The following MARCHF8 variants were observed in gnomAD, a reference collection of about 807,000 sequenced individuals.
MARCHF8 encodes the protein E3 ubiquitin-protein ligase MARCHF8.
A neutral mutation model predicts 51.6 loss-of-function variants in MARCHF8; 40 were observed. The ratio of observed to expected loss-of-function variants is 0.77; its 90% CI spans 0.60 to 1.01. The LOEUF is 1.01. Among genes scored for constraint, MARCHF8 ranks in the 50% least tolerant of loss-of-function variants. The pLI is 0.00. For missense variants in MARCHF8, 685 were observed against 708.6 expected (o/e 0.97, Z 0.38); for synonymous variants, 263 against 280.3 (o/e 0.94, Z 0.62).
At chr10:45,538,231 A>T (rs1304354250), upstream of MARCHF8, among the ~76,000 whole-genome samples, 1 of 152,224 alleles carries the variant, frequency 6.6e-6, no homozygotes, top group Non-Finnish European at 1.5e-5. Flanking sequence ...TTTGTAAGTG[A>T]AGGAGAAATA....
intron 1 of MARCHF8, among the ~76,000 whole-genome samples, chr10:45,583,280 G>A (rs2044575807): frequency 6.6e-6 from 1 of 152,106 alleles, no homozygotes; most frequent in Non-Finnish European, 1.5e-5. Context: ...ACCATTAGTG[G>A]GAGTACAGAC....
At chr10:45,584,454 T>C (rs143368311) in intron 1 of MARCHF8, among the ~76,000 whole-genome samples, 77 of 152,122 alleles carry the variant, frequency 5.1e-4, no homozygotes, top group African/African-American at 1.6e-3. Flanking sequence ...AAAAACACCA[T>C]GAGATACCAC....
At chr10:45,524,787 T>C (rs577614048) in intron 2 of MARCHF8, among the ~76,000 whole-genome samples, 1 of 152,200 alleles carries the variant, frequency 6.6e-6, no homozygotes, top group East Asian at 1.9e-4. Context: ...TCTTATACTG[T>C]ATCTCAAATC....
intron 2 of MARCHF8, among the ~76,000 whole-genome samples, chr10:45,499,734 AT>A (rs1278754900): frequency 6.6e-6 from 1 of 152,074 alleles, no homozygotes; most frequent in Non-Finnish European, 1.5e-5. Flanking sequence ...GTGGGAAATC[AT>A]TTGGCCAAAT....
chr10:45,473,571 C>T (rs991231544), intron 3 of MARCHF8, among the ~76,000 whole-genome samples: 1 of 152,142 alleles, frequency 6.6e-6, no homozygotes, highest in African/African-American at 2.4e-5. Context: ...ATGTACTGCC[C>T]TTTTTGCACC....
chr10:45,496,383 A>G (rs1034333575), intron 2 of MARCHF8, among the ~76,000 whole-genome samples: 1 of 152,198 alleles, frequency 6.6e-6, no homozygotes, highest in Non-Finnish European at 1.5e-5. Flanking sequence ...AATACAAGAT[A>G]AGTGGGTACA....
intron 2 of MARCHF8, among the ~76,000 whole-genome samples, chr10:45,523,309 T>G (rs1488123394): frequency 6.6e-6 from 1 of 152,198 alleles, no homozygotes; most frequent in Non-Finnish European, 1.5e-5. Flanking sequence ...GAGGATGGCT[T>G]GAGGCCAGGA....
chr10:45,500,597 T>C (rs2133139163), intron 2 of MARCHF8, among the ~76,000 whole-genome samples: 1 of 152,224 alleles, frequency 6.6e-6, no homozygotes, highest in African/African-American at 2.4e-5. Context: ...GTTGAGGTAG[T>C]TTCCCTCTAT....
At chr10:45,569,270 T>C (rs967224062) in intron 1 of MARCHF8, among the ~76,000 whole-genome samples, 1 of 152,152 alleles carries the variant, frequency 6.6e-6, no homozygotes, top group African/African-American at 2.4e-5. Context: ...TTGAGGTATG[T>C]TCCCTCTATC....
At chr10:45,550,833 C>T (rs754341478) in intron 1 of MARCHF8, among the ~76,000 whole-genome samples, 2 of 152,222 alleles carry the variant, frequency 1.3e-5, no homozygotes, top group Non-Finnish European at 2.9e-5. Flanking sequence ...CCCTTCTTTA[C>T]AACCCATAGC....
intron 1 of MARCHF8, among the ~76,000 whole-genome samples, chr10:45,573,473 C>G (rs1228592294): frequency 6.6e-6 from 1 of 152,214 alleles, no homozygotes; most frequent in Admixed American, 6.5e-5. Flanking sequence ...CCTCCTCCCC[C>G]AGGAACTTGC....
intron 2 of MARCHF8, among the ~76,000 whole-genome samples, chr10:45,499,235 C>T (rs2043232118): frequency 6.6e-6 from 1 of 152,158 alleles, no homozygotes; most frequent in Non-Finnish European, 1.5e-5. Context: ...GCCTACTAGC[C>T]ATTTGTATAT....
At chr10:45,579,081 T>C (rs2044522080) in intron 1 of MARCHF8, among the ~76,000 whole-genome samples, 2 of 152,240 alleles carry the variant, frequency 1.3e-5, no homozygotes. Flanking sequence ...TTAAATTTCT[T>C]GACTGCTAAT....
intron 1 of MARCHF8, among the ~76,000 whole-genome samples, chr10:45,583,980 TG>T (rs2044583828): frequency 1.7e-5 from 2 of 119,320 alleles, no homozygotes; most frequent in Non-Finnish European, 3.2e-5. Flanking sequence ...CACTCCAGCC[TG>T]GGTGACAGAG....
At chr10:45,526,778 C>A (rs1034253192) in intron 2 of MARCHF8, among the ~76,000 whole-genome samples, 3 of 151,472 alleles carry the variant, frequency 2.0e-5, no homozygotes, top group African/African-American at 7.3e-5. Context: ...ATAGACCTAA[C>A]AGATGTTTAT....
At chr10:45,477,679 C>T (rs556296345) in intron 3 of MARCHF8, among the ~76,000 whole-genome samples, 244 of 152,196 alleles carry the variant, frequency 1.6e-3, no homozygotes, top group African/African-American at 5.4e-3. Context: ...AGAAGCTCAT[C>T]GCACCTGTAC....
rs1321057371 is a variant in MARCHF8 at position 45,463,361 on chromosome 10, G to A, written c.878C>T (p.Ser293Phe). ...GCCCATACTCCCTGCCAGCCCGCTG[G>A]AGGACTTGGCAGTGTGCAGGCGAGC... ...CAARLHTAKS[S>F]SGLAGSMGFC... Residue 293 changes from serine to phenylalanine, a missense_variant, in exon 5 of 8, where the codon TCC becomes TTC. Transcript: ENST00000453424. 1.9e-6 allele frequency: 3 copies of A among 1,550,812 alleles called. No homozygotes were observed. The Admixed American group carries it at 5.9e-5, about 30-fold the overall frequency.
intron 1 of MARCHF8, among the ~76,000 whole-genome samples, chr10:45,553,777 C>T (rs971374776): frequency 3.9e-5 from 6 of 152,120 alleles, no homozygotes; most frequent in African/African-American, 1.4e-4. Context: ...TGCTACCATT[C>T]ACCTAAGACG....
At chr10:45,570,181 C>G (rs767657171) in intron 1 of MARCHF8, among the ~76,000 whole-genome samples, 1 of 152,046 alleles carries the variant, frequency 6.6e-6, no homozygotes, top group Non-Finnish European at 1.5e-5. Context: ...TTTGCATAAA[C>G]CCATTACCAA....
Sources: allele counts gnomAD v4.1 joint callset (sites outside exome capture counted in the v4.1 genomes callset), GRCh38; gene constraint gnomAD v4.1.1; transcripts MANE v1.5; gene names NCBI Gene and HGNC (gene_info 2026-07-23, HGNC 2026-07-21).